The following SND1 variants were observed in gnomAD, a reference collection of about 807,000 sequenced individuals.
SND1 encodes the protein staphylococcal nuclease domain-containing protein 1.
In SND1, 38 loss-of-function variants were observed where a neutral mutation model predicts 121.7. That is an observed-to-expected ratio of 0.31 (90% CI 0.24 to 0.41). The LOEUF (loss-of-function observed/expected upper bound fraction) is 0.41, where lower values mean the gene tolerates loss of function less well. Ranked by LOEUF, SND1 falls within the 10% of genes least tolerant of loss-of-function variation. SND1 has a pLI of 1.00. For synonymous variants in SND1, 401 were observed against 447.4 expected (o/e 0.90, Z 1.31); for missense variants, 868 against 1,184.6 (o/e 0.73, Z 3.92).
intron 10 of SND1, among the ~76,000 whole-genome samples, chr7:127,765,624 G>A (rs1797397250): frequency 6.6e-6 from 1 of 152,216 alleles, no homozygotes; most frequent in South Asian, 2.1e-4. Flanking sequence ...TTTCGAGGCT[G>A]AGGCCTGGAG....
At chr7:127,698,733 A>G (rs910964471) in intron 3 of SND1, 142 bp from the exon 4 acceptor site, 10 of 667,446 alleles carry the variant, frequency 1.5e-5, no homozygotes, top group Admixed American at 7.7e-5. Flanking sequence ...GAAAAACCCA[A>G]TGCTACATTG....
rs148379469 is a variant in SND1, at chr7:127,981,527, G to GT, written c.1670-9410dup. On this transcript the variant is annotated intron_variant, in intron 15 of 23. Transcript: ENST00000354725. ...AAAGGCCTCGTTAATCAGTGAGAGG[G>GT]TTTTTTTTTTCTCCCCTTAAAAATC... Among the ~76,000 whole-genome samples the GT allele has an allele frequency of 3.1e-3, 464 of 149,654 alleles. 1 individual carries two copies. The highest frequency in any genetic ancestry group is 0.014 in the East Asian group (74 of 5,124).
At chr7:128,004,994 G>A (rs1802925949) in intron 16 of SND1, among the ~76,000 whole-genome samples, 1 of 152,226 alleles carries the variant, frequency 6.6e-6, no homozygotes, top group African/African-American at 2.4e-5. Flanking sequence ...CTTATTTGCT[G>A]TCTGTCTATA....
intron 13 of SND1, among the ~76,000 whole-genome samples, chr7:127,894,384 A>T (rs1254673993): frequency 1.2e-4 from 17 of 140,656 alleles, no homozygotes; most frequent in Non-Finnish European, 2.3e-4. Flanking sequence ...TGTGTGCCTT[A>T]AAAAAAAAAA....
At chr7:127,725,952 C>T (rs1424387946) in intron 10 of SND1, among the ~76,000 whole-genome samples, 1 of 152,168 alleles carries the variant, frequency 6.6e-6, no homozygotes, top group Non-Finnish European at 1.5e-5. Context: ...TTAATATTTT[C>T]TTCCTCCGAG....
chr7:127,700,046 T>G (rs1269544430), intron 4 of SND1, among the ~76,000 whole-genome samples: 1 of 152,224 alleles, frequency 6.6e-6, no homozygotes, highest in Non-Finnish European at 1.5e-5. Context: ...GTGGTGTTTT[T>G]GGACGTATGC....
At chr7:127,834,836 T>C (rs1470186084) in intron 11 of SND1, among the ~76,000 whole-genome samples, 1 of 152,216 alleles carries the variant, frequency 6.6e-6, no homozygotes, top group African/African-American at 2.4e-5. Flanking sequence ...CTTTGGCCTT[T>C]ATTTAATTTA....
At chr7:128,020,646 C>A (rs1803328226) in intron 16 of SND1, among the ~76,000 whole-genome samples, 1 of 152,184 alleles carries the variant, frequency 6.6e-6, no homozygotes, top group Non-Finnish European at 1.5e-5. Context: ...GTCGGCCAGC[C>A]TCGATAACAT....
intron 15 of SND1, among the ~76,000 whole-genome samples, chr7:127,980,492 T>C (rs1478225647): frequency 6.6e-6 from 1 of 152,208 alleles, no homozygotes; most frequent in African/African-American, 2.4e-5. Context: ...AGGTTTTTTT[T>C]ATTCATGCTC....
At chr7:127,920,682 G>C (rs1307530740) in intron 14 of SND1, among the ~76,000 whole-genome samples, 4 of 152,050 alleles carry the variant, frequency 2.6e-5, no homozygotes, top group African/African-American at 9.7e-5. Flanking sequence ...GGCACCTTTG[G>C]CACTGCCTTG....
In SND1 at chr7:127,890,952, C is replaced by T. The variant is rs969535910; in HGVS notation, c.1454+2940C>T. On this transcript the variant is annotated intron_variant, in intron 13 of 23. Coordinates refer to ENST00000354725, the MANE Select transcript of SND1 (RefSeq NM_014390.4). The stretch of plus-strand genomic sequence containing the variant: ...TTGAGTAAACGGAGAGAATTAACCA[C>T]TTCCCTTTGCCCATGAGGCATTGCC... Among the ~76,000 whole-genome samples, 3 of 152,114 alleles carry T rather than the reference C, an allele frequency of 2.0e-5. No individual in the cohort carries two copies. In the East Asian group the frequency reaches 5.8e-4, roughly 29 times the overall value.
intron 16 of SND1, chr7:128,027,969 T>C (rs1803527643): frequency 6.6e-6 from 1 of 152,534 alleles, no homozygotes. Context: ...TGCTCCTTTC[T>C]AAGCAATTCT....
chr7:128,082,812 G>A (rs905838327), intron 18 of SND1, among the ~76,000 whole-genome samples: 10 of 152,130 alleles, frequency 6.6e-5, no homozygotes, highest in African/African-American at 2.2e-4. Context: ...AAAAGGATGC[G>A]ATCACTCCCA....
intron 10 of SND1, among the ~76,000 whole-genome samples, chr7:127,726,429 C>T (rs911206946): frequency 1.3e-5 from 2 of 152,238 alleles, no homozygotes; most frequent in African/African-American, 4.8e-5. Flanking sequence ...ACGTGTGATG[C>T]TCTTGTGAAC....
chr7:127,774,901 T>A (rs965857185), intron 10 of SND1, among the ~76,000 whole-genome samples: 4 of 152,224 alleles, frequency 2.6e-5, no homozygotes, highest in Non-Finnish European at 5.9e-5. Context: ...ACTGCATTTT[T>A]ACTGTACCTT....
intron 15 of SND1, among the ~76,000 whole-genome samples, chr7:127,968,191 A>G (rs1034086462): frequency 1.3e-5 from 2 of 152,200 alleles, no homozygotes; most frequent in Non-Finnish European, 2.9e-5. Context: ...CTTTTTTTCA[A>G]AGAATATTTT....
At position 128,057,704 on chromosome 7, in the gene SND1, A is replaced by G. The variant is rs1476224728; in HGVS notation, c.1780-16798A>G. On this transcript the variant is annotated intron_variant, in intron 16 of 23. Coordinates refer to ENST00000354725, the MANE Select transcript of SND1 (RefSeq NM_014390.4). Reference sequence around the variant, plus strand: ...GCTAGTGTGGCCAGTGAGAAACAAGACTTGGGGATTGTAGTCTTTCAGCTG... The same window carrying G: ...GCTAGTGTGGCCAGTGAGAAACAAGGCTTGGGGATTGTAGTCTTTCAGCTG... Among the ~76,000 whole-genome samples, 5 of 152,050 alleles carry G rather than the reference A, an allele frequency of 3.3e-5. No individual in the cohort carries two copies. The East Asian group carries it at 9.6e-4, about 29-fold the overall frequency.
intron 16 of SND1, among the ~76,000 whole-genome samples, chr7:128,059,249 A>AC (rs1366516343): frequency 1.3e-5 from 2 of 150,296 alleles, no homozygotes; most frequent in East Asian, 1.9e-4. Context: ...TCTCCCTTGA[A>AC]CCCCCCTAGT....
intron 10 of SND1, among the ~76,000 whole-genome samples, chr7:127,805,381 G>A (rs1319008395): frequency 1.3e-5 from 2 of 152,182 alleles, no homozygotes; most frequent in Non-Finnish European, 2.9e-5. Context: ...TATGATCTGG[G>A]AGAAGGAGCT....
Sources: allele counts gnomAD v4.1 joint callset (sites outside exome capture counted in the v4.1 genomes callset), GRCh38; gene constraint gnomAD v4.1.1; transcripts MANE v1.5; gene names NCBI Gene and HGNC (gene_info 2026-07-23, HGNC 2026-07-21).